FRMD6: variants seen among roughly 807,000 people sequenced by gnomAD.
The protein encoded by FRMD6 is FERM domain-containing protein 6.
In FRMD6, 37 loss-of-function variants were observed where a neutral mutation model predicts 73.2. The ratio of observed to expected loss-of-function variants is 0.51; its 90% CI spans 0.39 to 0.66. The LOEUF (loss-of-function observed/expected upper bound fraction) is 0.66, where lower values mean the gene tolerates loss of function less well. FRMD6 is among the 30% of genes least tolerant of loss of function. FRMD6 has a pLI of 0.00. For synonymous variants in FRMD6, 273 were observed against 282.2 expected, an observed-to-expected ratio of 0.97 and a Z score of 0.33; for missense variants, 714 against 780.5, an observed-to-expected ratio of 0.91 and a Z score of 1.02.
intron 1 of FRMD6, among the ~76,000 whole-genome samples, chr14:51,555,213 C>T (rs969834605): frequency 6.6e-6 from 1 of 152,166 alleles, no homozygotes; most frequent in Admixed American, 6.5e-5. Flanking sequence ...ACATGACTAT[C>T]ACCGGGAGCA....
At chr14:51,449,737 G>A in the FRMD6 span, among the ~76,000 whole-genome samples, 1 of 152,182 alleles carries the variant, frequency 6.6e-6, no homozygotes, top group Non-Finnish European at 1.5e-5. Flanking sequence ...GACTGTGGAA[G>A]CCTGGAAGTC....
chr14:51,450,486 C>A, the FRMD6 span, among the ~76,000 whole-genome samples: 1 of 152,158 alleles, frequency 6.6e-6, no homozygotes, highest in Non-Finnish European at 1.5e-5. Context: ...CCAAATGAAG[C>A]TCATTCAAAA....
intron 1 of FRMD6, among the ~76,000 whole-genome samples, chr14:51,552,546 G>A (rs532281510): frequency 2.6e-5 from 4 of 152,304 alleles, no homozygotes; most frequent in South Asian, 2.1e-4. Context: ...GATGCATGAC[G>A]GAGAGTCAGC....
At chr14:51,550,586 C>CG (rs781577627) in intron 1 of FRMD6, among the ~76,000 whole-genome samples, 9 of 150,944 alleles carry the variant, frequency 6.0e-5, no homozygotes, top group East Asian at 1.9e-4. Context: ...GGAGACCCCC[C>CG]CGCCATGCTT....
chr14:51,413,720 T>G, the FRMD6 span, among the ~76,000 whole-genome samples: 2 of 152,252 alleles, frequency 1.3e-5, no homozygotes, highest in African/African-American at 4.8e-5. Flanking sequence ...TCTAGATCCT[T>G]GAGGAATCGC....
intron 11 of FRMD6, chr14:51,720,602 A>T: frequency 3.6e-6 from 2 of 561,870 alleles, no homozygotes; most frequent in Non-Finnish European, 6.4e-6. Flanking sequence ...CGGCCACAAG[A>T]CTGGATGGTT....
At chr14:51,564,849 AT>A (rs1436880580) in intron 1 of FRMD6, among the ~76,000 whole-genome samples, 2 of 152,240 alleles carry the variant, frequency 1.3e-5, no homozygotes, top group African/African-American at 4.8e-5. Flanking sequence ...CTAATTAAAA[AT>A]ATAGGAAAAG....
the FRMD6 span, among the ~76,000 whole-genome samples, chr14:51,410,423 C>A: frequency 6.6e-6 from 1 of 152,252 alleles, no homozygotes; most frequent in Non-Finnish European, 1.5e-5. Flanking sequence ...TTACTTTCTT[C>A]TAGAAGGAAA....
At chr14:51,520,220 A>G (rs1884870352) in intron 1 of FRMD6, among the ~76,000 whole-genome samples, 1 of 152,230 alleles carries the variant, frequency 6.6e-6, no homozygotes, top group Admixed American at 6.5e-5. Context: ...AACACATGAG[A>G]AAATGTTCAA....
chr14:51,680,851 T>A (rs1894746076), intron 1 of FRMD6, among the ~76,000 whole-genome samples: 1 of 152,204 alleles, frequency 6.6e-6, no homozygotes, highest in Non-Finnish European at 1.5e-5. Flanking sequence ...AAATAACACT[T>A]TAGTGAGTAC....
At chr14:51,703,635 T>A (rs1004244379) in intron 5 of FRMD6, among the ~76,000 whole-genome samples, 1 of 152,054 alleles carries the variant, frequency 6.6e-6, no homozygotes, top group African/African-American at 2.4e-5. Context: ...TCCCTATACT[T>A]CTGCCCCTTT....
intron 1 of FRMD6, chr14:51,491,458 T>A (rs1477351477): frequency 6.6e-6 from 1 of 152,160 alleles, no homozygotes; most frequent in East Asian, 1.9e-4. Flanking sequence ...ATGGGGGAAA[T>A]GACAAAGCAG....
upstream of FRMD6, among the ~76,000 whole-genome samples, chr14:51,484,495 C>T (rs774127065): frequency 2.0e-5 from 3 of 151,730 alleles, no homozygotes; most frequent in Non-Finnish European, 4.4e-5. Context: ...AAGAAAACTT[C>T]ACTACCACCA....
Position 51,536,876 on chromosome 14 carries a change from G to C in FRMD6, c.-209-33472G>C, listed in dbSNP as rs535949386. ...GTTTGGGTGGATTTCTTTTAAATAG[G>C]CTTTTTAAAAAGCAGCTTTAGGTTC... On this transcript the variant is annotated intron_variant, in intron 1 of 14. Transcript: ENST00000356218. Among the ~76,000 whole-genome samples the C allele has an allele frequency of 1.1e-4, 16 of 152,194 alleles. No homozygotes were observed. In the East Asian group the frequency reaches 3.1e-3, roughly 29 times the overall value.
chr14:51,463,123 C>T, the FRMD6 span, among the ~76,000 whole-genome samples: 1 of 152,204 alleles, frequency 6.6e-6, no homozygotes, highest in African/African-American at 2.4e-5. Flanking sequence ...TCGCATTCAA[C>T]CAGGTTAACT....
At chr14:51,526,564 T>A (rs1207003823) in intron 1 of FRMD6, among the ~76,000 whole-genome samples, 1 of 152,198 alleles carries the variant, frequency 6.6e-6, no homozygotes, top group African/African-American at 2.4e-5. Flanking sequence ...GTCTCACTTT[T>A]CCTAGTCCCC....
the FRMD6 span, among the ~76,000 whole-genome samples, chr14:51,425,591 G>A: frequency 1.3e-5 from 2 of 152,086 alleles, no homozygotes; most frequent in African/African-American, 2.4e-5. Context: ...CCCCTGTTCA[G>A]GTCTCAGGGT....
chr14:51,472,335 T>G, the FRMD6 span, among the ~76,000 whole-genome samples: 1 of 152,012 alleles, frequency 6.6e-6, no homozygotes, highest in Non-Finnish European at 1.5e-5. Flanking sequence ...ACGGAGTCTC[T>G]CTCTGTCGCC....
At chr14:51,623,923 G>T (rs1489603220) in intron 2 of FRMD6, among the ~76,000 whole-genome samples, 2 of 152,130 alleles carry the variant, frequency 1.3e-5, no homozygotes, top group Admixed American at 6.6e-5. Flanking sequence ...TAGAGTCAAA[G>T]AATTTTCTGT....
Sources: allele counts gnomAD v4.1 joint callset (sites outside exome capture counted in the v4.1 genomes callset), GRCh38; gene constraint gnomAD v4.1.1; transcripts MANE v1.5; gene names NCBI Gene and HGNC (gene_info 2026-07-23, HGNC 2026-07-21).